PTK7: variants seen among roughly 807,000 people sequenced by gnomAD.
The protein encoded by PTK7 is inactive tyrosine-protein kinase 7.
A neutral mutation model predicts 116.6 loss-of-function variants in PTK7; 39 were observed. That is an observed-to-expected ratio of 0.33 (90% confidence interval 0.26 to 0.44). The LOEUF (loss-of-function observed/expected upper bound fraction) is 0.44. PTK7 is among the 20% of genes least tolerant of loss of function. PTK7 has a pLI of 1.00. For synonymous variants in PTK7, 546 were observed against 563.6 expected, an observed-to-expected ratio of 0.97 and a Z score of 0.44; for missense variants, 1,169 against 1,425.6, an observed-to-expected ratio of 0.82 and a Z score of 2.90.
intron 10 of PTK7, among the ~76,000 whole-genome samples, chr6:43,140,765 G>A (rs1770351895): frequency 6.6e-6 from 1 of 152,054 alleles, no homozygotes; most frequent in Non-Finnish European, 1.5e-5. Context: ...GTGCATGCCT[G>A]TAGACATGCT....
intron 1 of PTK7, among the ~76,000 whole-genome samples, chr6:43,127,330 C>T (rs942233272): frequency 1.3e-5 from 2 of 152,340 alleles, no homozygotes; most frequent in East Asian, 1.9e-4. Context: ...CTCTGCAAGT[C>T]GCCCACGCGG....
Position 43,143,896 on chromosome 6 carries a change from C to T in PTK7, c.2251+276C>T, listed in dbSNP as rs1164043876. ...CCTCCCAGCACAAAACCACAGATAT[C>T]ATTAGTATATGTACACACGTTGCTG... On this transcript the variant is annotated intron_variant, in intron 14 of 19. Transcript: ENST00000230419. The surrounding 1 kb of genome is among the most constrained non-coding windows in gnomAD (Gnocchi z 4.2). Among the ~76,000 whole-genome samples the T allele has an allele frequency of 6.6e-6, 1 of 152,220 alleles. No individual in the cohort carries two copies. Among genetic ancestry groups the T allele is most frequent in the Non-Finnish European group, 1.5e-5 (1 of 68,034 alleles).
At chr6:43,114,143 C>T (rs1768358415) in intron 1 of PTK7, among the ~76,000 whole-genome samples, 1 of 152,184 alleles carries the variant, frequency 6.6e-6, no homozygotes, top group Non-Finnish European at 1.5e-5. Context: ...CTGGGACCTG[C>T]CCTGCAGGCA....
At chr6:43,079,206 G>A (rs1189150106) in intron 1 of PTK7, among the ~76,000 whole-genome samples, 3 of 152,148 alleles carry the variant, frequency 2.0e-5, no homozygotes, top group East Asian at 1.9e-4. Flanking sequence ...GGTGGCTCAC[G>A]CCTGTAATCC....
chr6:43,116,361 C>T (rs3805934), intron 1 of PTK7, among the ~76,000 whole-genome samples: 11,566 of 152,248 alleles, frequency 0.076, 698 homozygotes, highest in East Asian at 0.32. Flanking sequence ...AACATTGCGT[C>T]GTGTCCCCGC....
intron 10 of PTK7, among the ~76,000 whole-genome samples, chr6:43,140,669 C>G (rs1465748119): frequency 6.6e-6 from 1 of 152,026 alleles, no homozygotes; most frequent in Admixed American, 6.6e-5. Context: ...GGGAGGATCG[C>G]TTGAGCCCAG....
intron 17 of PTK7, among the ~76,000 whole-genome samples, chr6:43,158,166 G>T (rs531314106): frequency 4.1e-4 from 62 of 152,106 alleles, no homozygotes; most frequent in Non-Finnish European, 6.9e-4. Flanking sequence ...GGGCGTAGTG[G>T]CAGGCACCTG....
intron 1 of PTK7, among the ~76,000 whole-genome samples, chr6:43,096,410 G>C (rs1398181206): frequency 7.0e-6 from 1 of 142,212 alleles, no homozygotes; most frequent in Non-Finnish European, 1.5e-5. Flanking sequence ...AGCTTTGCGG[G>C]TTCTCTTTCT....
chr6:43,076,860 A>G lies in PTK7; in HGVS notation c.79+293A>G. On this transcript the variant is annotated intron_variant, in intron 1 of 19. Coordinates refer to ENST00000230419, the MANE Select transcript of PTK7 (RefSeq NM_002821.5). This position sits in a 1 kb window ranked among gnomAD's most constrained non-coding sequence, Gnocchi z 5.7. Reference sequence around the variant, plus strand: ...CCGAGAGTTTGCTCGAGAACTGCCGAGAGTTGCTGGCTCTCGGGCCCAGAT... The same window carrying G: ...CCGAGAGTTTGCTCGAGAACTGCCGGGAGTTGCTGGCTCTCGGGCCCAGAT... 6.8e-7 allele frequency: 1 copy of G among 1,470,142 alleles called. No individual in the cohort carries two copies. Among genetic ancestry groups the G allele is most frequent in the Non-Finnish European group, 9.0e-7 (1 of 1,107,438 alleles). The allele number at this position is 1,470,142 out of a possible 1,614,324, so 91.1% of individuals were successfully genotyped here. A position where few individuals can be genotyped will look rare whatever the true frequency, so the allele number is the denominator to read the frequency against.
intron 1 of PTK7, among the ~76,000 whole-genome samples, chr6:43,127,502 G>A (rs1161017851): frequency 6.6e-6 from 1 of 152,202 alleles, no homozygotes; most frequent in African/African-American, 2.4e-5. Context: ...TTGGTTGCGG[G>A]GACCCTGTGG....
rs573971727 is a variant in PTK7, at chr6:43,090,015, C to A, written c.79+13448C>A. Among the ~76,000 whole-genome samples, 12 of 152,322 alleles carry A rather than the reference C, an allele frequency of 7.9e-5. No individual in the cohort carries two copies. In the South Asian group the frequency reaches 2.5e-3, roughly 32 times the overall value. Reference sequence around the variant, plus strand: ...CCCTCTTTACCTTTGCCTGAAGGGCCTTTGAACATGGCTTGAGAGATCCTG... The same window carrying A: ...CCCTCTTTACCTTTGCCTGAAGGGCATTTGAACATGGCTTGAGAGATCCTG... On this transcript the variant is annotated intron_variant, in intron 1 of 19. Coordinates refer to ENST00000230419, the MANE Select transcript of PTK7 (RefSeq NM_002821.5).
intron 1 of PTK7, among the ~76,000 whole-genome samples, chr6:43,114,600 A>G (rs1768388518): frequency 6.6e-6 from 1 of 152,054 alleles, no homozygotes. Context: ...GGGAGTAGGC[A>G]TGAAATAAAC....
chr6:43,130,798 G>A (rs923302934), intron 5 of PTK7, 137 bp downstream of exon 5: 1 of 1,293,790 alleles, frequency 7.7e-7, no homozygotes, highest in South Asian at 1.4e-5. Context: ...ACAGTTGAAT[G>A]TTTTGCTTTT....
At chr6:43,107,708 A>G (rs1421659997) in intron 1 of PTK7, among the ~76,000 whole-genome samples, 1 of 152,218 alleles carries the variant, frequency 6.6e-6, no homozygotes, top group Non-Finnish European at 1.5e-5. Flanking sequence ...GATAATTAAT[A>G]TAATTGCCTA....
At chr6:43,120,793 G>A (rs1214602704) in intron 1 of PTK7, among the ~76,000 whole-genome samples, 2 of 152,138 alleles carry the variant, frequency 1.3e-5, no homozygotes, top group East Asian at 3.8e-4. Flanking sequence ...ATTGACCAGG[G>A]TCACCCTCAT....
At chr6:43,077,111 G>A (rs965210124) in intron 1 of PTK7, 1 of 1,093,426 alleles carries the variant, frequency 9.1e-7, no homozygotes, top group Non-Finnish European at 1.2e-6. Context: ...GCAAAGCTGA[G>A]ACCCCAGATG....
intron 1 of PTK7, among the ~76,000 whole-genome samples, chr6:43,082,260 C>A (rs1438191885): frequency 6.6e-6 from 1 of 152,160 alleles, no homozygotes; most frequent in Non-Finnish European, 1.5e-5. Context: ...ACTGCAACCT[C>A]CACCTCCTGG....
chr6:43,151,508 A>AGCCCCCCCGCCCCC (rs1471889732), intron 17 of PTK7, among the ~76,000 whole-genome samples: 1 of 140,566 alleles, frequency 7.1e-6, no homozygotes. Context: ...CACCGCGCCC[A>AGCCCCCCCGCCCCC]AGCCCCGTTT....
Position 43,129,665 on chromosome 6 carries a change from C to A in PTK7, c.368-62C>A. The A allele has an allele frequency of 7.0e-7, 1 of 1,420,654 alleles. No homozygotes were observed. Among genetic ancestry groups the A allele is most frequent in the Non-Finnish European group, 9.9e-7 (1 of 1,005,618 alleles). 88.0% of individuals were successfully genotyped at this position (1,420,654 alleles called of 1,614,324 possible). ...CACGGCTTCCTGCTTGTCCTCCTTG[C>A]CCTCTGCCTTCCCGCCTTTGCCCTG... is the stretch of plus-strand genomic sequence containing the variant. On this transcript the variant is annotated intron_variant, in intron 2 of 19. Transcript: ENST00000230419. This position sits in a 1 kb window ranked among gnomAD's most constrained non-coding sequence, Gnocchi z 4.5.
Sources: allele counts gnomAD v4.1 joint callset (sites outside exome capture counted in the v4.1 genomes callset), GRCh38; gene constraint gnomAD v4.1.1; non-coding constraint Gnocchi (gnomAD v3.1); transcripts MANE v1.5; gene names NCBI Gene and HGNC (gene_info 2026-07-23, HGNC 2026-07-21).